Variants in CD1B observed in about 807,000 individuals in gnomAD.
The protein encoded by CD1B is T-cell surface glycoprotein CD1b.
CD1B carries 43 observed loss-of-function variants against 39.8 expected under a neutral mutation model. That is an observed-to-expected ratio of 1.08 (90% CI 0.85 to 1.39). The LOEUF (loss-of-function observed/expected upper bound fraction) is 1.39. Among genes scored for constraint, CD1B ranks in the 40% most tolerant of loss-of-function variants. The probability of loss-of-function intolerance (pLI) is 0.00; values close to 1 mark genes in which losing one functional copy is unlikely to be tolerated. For missense variants in CD1B, 495 were observed against 403.8 expected (o/e 1.23, Z -1.94); for synonymous variants, 192 against 152.5 (o/e 1.26, Z -1.91).
chr1:158,305,151 G>A, the CD1B span, among the ~76,000 whole-genome samples: 15 of 152,074 alleles, frequency 9.9e-5, no homozygotes, highest in African/African-American at 3.4e-4. Context: ...GCTAAAAGAG[G>A]AAGTTCGAAC....
Position 158,331,462 on chromosome 1 carries a change from A to G in CD1B, c.-39T>C, listed in dbSNP as rs1226483711. 1 of 1,553,500 alleles carries G rather than the reference A, an allele frequency of 6.4e-7. No homozygotes were observed. Among genetic ancestry groups the G allele is most frequent in the Non-Finnish European group, 8.9e-7 (1 of 1,126,080 alleles). ...GCAACTTCTTACTGGCAGAGCTGGT[A>G]TTTGATCTCCAATTTCAGCAAAGCT... is the stretch of plus-strand genomic sequence containing the variant. On this transcript the variant is annotated 5_prime_UTR_variant, in exon 1 of 6. Coordinates refer to ENST00000368168, the MANE Select transcript of CD1B (RefSeq NM_001764.3).
At position 158,328,007 on chromosome 1, in the gene CD1B, A is replaced by G; in HGVS notation, c.*229T>C. 2.3e-6 allele frequency: 1 copy of G among 426,448 alleles called. No homozygotes were observed. Among genetic ancestry groups the G allele is most frequent in the East Asian group, 3.5e-5 (1 of 28,604 alleles). The allele number at this position is 426,448 out of a possible 1,614,324, so 26.4% of individuals were successfully genotyped here. A position where few individuals can be genotyped will look rare whatever the true frequency, so the allele number is the denominator to read the frequency against. On this transcript the variant is annotated 3_prime_UTR_variant, in exon 6 of 6. Transcript: ENST00000368168. ...GAGACACATTTTTTCTAACATTTTA[A>G]TGTGTGTAAAATCAGGGTGAATCAC...
At chr1:158,300,510 G>A in the CD1B span, among the ~76,000 whole-genome samples, 1 of 152,114 alleles carries the variant, frequency 6.6e-6, no homozygotes, top group African/African-American at 2.4e-5. Flanking sequence ...TTGGTGCAGA[G>A]CTGAGTTCAA....
the CD1B span, among the ~76,000 whole-genome samples, chr1:158,314,721 A>G: frequency 1.3e-5 from 2 of 151,938 alleles, no homozygotes; most frequent in Admixed American, 6.6e-5. Context: ...TTAGTTACGT[A>G]TGTATACATG....
chr1:158,293,195 C>T, the CD1B span: 1 of 1,587,802 alleles, frequency 6.3e-7, no homozygotes, highest in Non-Finnish European at 8.6e-7. Context: ...ATCCATGTAT[C>T]TTTCCAATAT....
chr1:158,319,638 C>A, the CD1B span, among the ~76,000 whole-genome samples: 1 of 152,192 alleles, frequency 6.6e-6, no homozygotes, highest in East Asian at 1.9e-4. Context: ...GTAATTTGAT[C>A]GTCTGAAGCC....
At chr1:158,289,877 G>T in the CD1B span, 4 of 558,042 alleles carry the variant, frequency 7.2e-6, no homozygotes, top group Non-Finnish European at 1.3e-5. Flanking sequence ...TTCAGAGCAG[G>T]TGGGGAAATG....
At chr1:158,322,115 T>C in the CD1B span, among the ~76,000 whole-genome samples, 1 of 152,236 alleles carries the variant, frequency 6.6e-6, no homozygotes, top group African/African-American at 2.4e-5. Context: ...GGTTTATCTT[T>C]TAATAAAGTA....
the CD1B span, among the ~76,000 whole-genome samples, chr1:158,306,044 T>C: frequency 1.3e-3 from 195 of 152,256 alleles, no homozygotes; most frequent in Middle Eastern, 3.4e-3. Context: ...AATAACCACC[T>C]AACATCATAA....
chr1:158,292,193 TACA>T, the CD1B span: 1 of 1,614,212 alleles, frequency 6.2e-7, no homozygotes, highest in African/African-American at 1.3e-5. Context: ...GTTTCCAGAA[TACA>T]ACATGGGTGC....
chr1:158,316,331 A>G, the CD1B span, among the ~76,000 whole-genome samples: 1 of 151,698 alleles, frequency 6.6e-6, no homozygotes, highest in East Asian at 1.9e-4. Context: ...CTTTTATTTC[A>G]TTGAGCAGTG....
the CD1B span, among the ~76,000 whole-genome samples, chr1:158,314,758 A>C: frequency 1.3e-5 from 2 of 150,650 alleles, no homozygotes; most frequent in South Asian, 2.1e-4. Context: ...GGCACCCACT[A>C]ACTCGTCATC....
chr1:158,292,930 G>C, the CD1B span: 1 of 1,567,480 alleles, frequency 6.4e-7, no homozygotes, highest in Non-Finnish European at 8.7e-7. Flanking sequence ...GAGGTTAGGG[G>C]AGAGGAAATT....
At chr1:158,308,596 G>A in the CD1B span, among the ~76,000 whole-genome samples, 3 of 152,192 alleles carry the variant, frequency 2.0e-5, no homozygotes, top group African/African-American at 7.2e-5. Context: ...CAAGGCTACA[G>A]TAACCAAAAC....
At chr1:158,300,123 A>C in the CD1B span, among the ~76,000 whole-genome samples, 1 of 152,164 alleles carries the variant, frequency 6.6e-6, no homozygotes, top group East Asian at 1.9e-4. Flanking sequence ...GTGGGCATTT[A>C]GTGCTATAAA....
At chr1:158,293,263 T>C in the CD1B span, 11 of 1,614,170 alleles carry the variant, frequency 6.8e-6, no homozygotes, top group Non-Finnish European at 9.3e-6. Flanking sequence ...GTGCCCTTGG[T>C]GATTCTAATA....
chr1:158,291,843 A>G, the CD1B span, among the ~76,000 whole-genome samples: 1 of 152,042 alleles, frequency 6.6e-6, no homozygotes, highest in Non-Finnish European at 1.5e-5. Context: ...TGGCTCACCT[A>G]TCATTTTTCC....
At chr1:158,304,632 A>G in the CD1B span, among the ~76,000 whole-genome samples, 46 of 152,172 alleles carry the variant, frequency 3.0e-4, no homozygotes, top group Non-Finnish European at 2.8e-4. Flanking sequence ...GAATGGACAG[A>G]GTGACTCCTC....
chr1:158,290,682 A>G, the CD1B span, among the ~76,000 whole-genome samples: 1 of 152,202 alleles, frequency 6.6e-6, no homozygotes. Context: ...GGTAGAAGGA[A>G]GTCAGAATAT....
Sources: gnomAD v4.1 joint callset for allele counts (sites outside exome capture counted in the v4.1 genomes callset) on GRCh38, gnomAD v4.1.1 for gene constraint, MANE v1.5 for transcripts, NCBI Gene and HGNC (gene_info 2026-07-23, HGNC 2026-07-21) for gene names.